AGMO: variants seen among roughly 807,000 people sequenced by gnomAD.
AGMO encodes the protein alkylglycerol monooxygenase, also known as glyceryl-ether monooxygenase.
AGMO carries 75 observed loss-of-function variants against 60.2 expected under a neutral mutation model. The observed-to-expected ratio is 1.25, with a 90% CI of 1.03 to 1.51. The LOEUF is 1.51. AGMO is among the 40% of genes most tolerant of loss of function. The pLI is 0.00. For synonymous variants in AGMO, 261 were observed against 177.1 expected (o/e 1.47, Z -3.76); for missense variants, 763 against 525.5 (o/e 1.45, Z -4.42).
intron 12 of AGMO, among the ~76,000 whole-genome samples, chr7:15,235,740 C>T (rs751596112): frequency 5.3e-5 from 8 of 152,158 alleles, no homozygotes; most frequent in Admixed American, 2.6e-4. Flanking sequence ...AGAAACCACA[C>T]TGGTGACTTT....
chr7:15,222,105 A>G (rs1185387833), intron 12 of AGMO, among the ~76,000 whole-genome samples: 2 of 152,136 alleles, frequency 1.3e-5, no homozygotes, highest in Non-Finnish European at 2.9e-5. Flanking sequence ...ATAAAGCAAG[A>G]TGTAAGCTTC....
intron 12 of AGMO, among the ~76,000 whole-genome samples, chr7:15,354,274 G>A (rs531675349): frequency 2.1e-5 from 3 of 140,708 alleles, no homozygotes; most frequent in East Asian, 2.1e-4. Flanking sequence ...CATGATAGAT[G>A]TATATCACGA....
intron 10 of AGMO, among the ~76,000 whole-genome samples, chr7:15,379,340 A>C (rs1003690556): frequency 6.6e-5 from 10 of 152,096 alleles, no homozygotes; most frequent in Non-Finnish European, 7.4e-5. Context: ...TGTTTTGGGG[A>C]AAACATTAAT....
At chr7:15,166,233 T>G in the AGMO span, among the ~76,000 whole-genome samples, 1 of 152,050 alleles carries the variant, frequency 6.6e-6, no homozygotes, top group African/African-American at 2.4e-5. Flanking sequence ...GCTGCTCTAT[T>G]AAGGGGAATC....
chr7:15,437,978 C>G (rs1214718336), intron 3 of AGMO, among the ~76,000 whole-genome samples: 1 of 152,100 alleles, frequency 6.6e-6, no homozygotes, highest in African/African-American at 2.4e-5. Context: ...CACACTTTAA[C>G]ATATTTTTTC....
At chr7:15,197,803 C>G (rs1263286610), downstream of AGMO, among the ~76,000 whole-genome samples, 1 of 152,172 alleles carries the variant, frequency 6.6e-6, no homozygotes, top group Non-Finnish European at 1.5e-5. Context: ...ATACTCTGAA[C>G]TTAAACTCCT....
chr7:15,368,572 G>A (rs773640650), intron 10 of AGMO, among the ~76,000 whole-genome samples: 11 of 152,062 alleles, frequency 7.2e-5, no homozygotes, highest in African/African-American at 2.4e-4. Context: ...AATAAAATAC[G>A]CGTTTGGCAA....
At chr7:15,391,038 C>G (rs1784117623) in intron 6 of AGMO, 133 bp from the exon 7 acceptor site, 1 of 575,666 alleles carries the variant, frequency 1.7e-6, no homozygotes, top group Non-Finnish European at 3.0e-6. Flanking sequence ...GGAATGTCTT[C>G]TCATTTATAA....
intron 12 of AGMO, among the ~76,000 whole-genome samples, chr7:15,262,267 C>A (rs1327808764): frequency 6.6e-6 from 1 of 151,946 alleles, no homozygotes; most frequent in Non-Finnish European, 1.5e-5. Context: ...GAACTGGTAA[C>A]TGAATTCAGC....
rs527463907 is a variant in AGMO at position 15,270,596 on chromosome 7, A to ATTTTTT, written c.1264-69243_1264-69238dup. Reference sequence around the variant, plus strand: ...ATTAAACAAATTTAATCTGTTGATAATTTTTTTTTTTTTTTTTTTTTTTTT... The same window carrying ATTTTTT: ...ATTAAACAAATTTAATCTGTTGATAATTTTTTTTTTTTTTTTTTTTTTTTTTTTTTT... On this transcript the variant is annotated intron_variant, in intron 12 of 12. Transcript: ENST00000342526. Among the ~76,000 whole-genome samples, 76 of 48,034 alleles carry ATTTTTT rather than the reference A, an allele frequency of 1.6e-3. 4 individuals are homozygous for ATTTTTT. The highest frequency in any genetic ancestry group is 2.3e-3 in the Non-Finnish European group (60 of 25,758). The allele number at this position is 48,034 out of a possible 152,430, so 31.5% of individuals were successfully genotyped here. A position where few individuals can be genotyped will look rare whatever the true frequency, so the allele number is the denominator to read the frequency against.
At chr7:15,119,587 T>C in the AGMO span, among the ~76,000 whole-genome samples, 1 of 151,304 alleles carries the variant, frequency 6.6e-6, no homozygotes. Context: ...TTTGGCCAAG[T>C]ATATCCAATG....
At chr7:15,499,631 C>T (rs1456595150) in intron 3 of AGMO, among the ~76,000 whole-genome samples, 1 of 151,586 alleles carries the variant, frequency 6.6e-6, no homozygotes, top group Non-Finnish European at 1.5e-5. Context: ...TTGCGGCATC[C>T]TTTCTAAAAT....
chr7:15,527,073 A>T (rs1379986072), intron 3 of AGMO, among the ~76,000 whole-genome samples: 3 of 152,180 alleles, frequency 2.0e-5, no homozygotes, highest in Admixed American at 1.3e-4. Context: ...AAATTAAGCC[A>T]ATTAATAACC....
chr7:15,387,651 G>A (rs960365003), intron 8 of AGMO, 111 bp from the exon 9 acceptor site: 38 of 561,738 alleles, frequency 6.8e-5, no homozygotes, highest in Non-Finnish European at 9.5e-5. Context: ...TATTTAAAAC[G>A]TTATGCCTGA....
chr7:15,418,355 A>C (rs1171408371), intron 5 of AGMO, among the ~76,000 whole-genome samples: 3 of 152,044 alleles, frequency 2.0e-5, no homozygotes, highest in Non-Finnish European at 4.4e-5. Flanking sequence ...TGTTTTATTT[A>C]ATTGAGACCA....
intron 3 of AGMO, among the ~76,000 whole-genome samples, chr7:15,463,477 A>G (rs1353229499): frequency 6.6e-6 from 1 of 152,228 alleles, no homozygotes; most frequent in African/African-American, 2.4e-5. Flanking sequence ...ACGTACACAC[A>G]TACAGAAATA....
At chr7:15,354,309 T>TACACGTGTATATAC (rs1554422459) in intron 12 of AGMO, among the ~76,000 whole-genome samples, 1 of 67,298 alleles carries the variant, frequency 1.5e-5, no homozygotes, top group African/African-American at 1.0e-4. Context: ...TATACGTGTA[T>TACACGTGTATATAC]ACACGCGTGT....
chr7:15,508,101 G>A (rs1026075463), intron 3 of AGMO, among the ~76,000 whole-genome samples: 3 of 152,030 alleles, frequency 2.0e-5, no homozygotes, highest in African/African-American at 7.2e-5. Flanking sequence ...GGGAGTTTCC[G>A]GAGAGGAAAA....
At position 15,279,653 on chromosome 7, in the gene AGMO, A is replaced by G. The variant is rs570200785; in HGVS notation, c.1264-78294T>C. Reference sequence around the variant, plus strand: ...GCAACAATGCAGGAACTTAACAGGAACACTGAAAGAAACCACAGACCCTTT... The same window carrying G: ...GCAACAATGCAGGAACTTAACAGGAGCACTGAAAGAAACCACAGACCCTTT... On this transcript the variant is annotated intron_variant, in intron 12 of 12. Transcript: ENST00000342526. 5.3e-5 allele frequency among the ~76,000 whole-genome samples: 8 copies of G among 152,250 alleles called. 1 individual carries two copies. In the South Asian group the frequency reaches 1.5e-3, roughly 28 times the overall value.
Sources: allele counts gnomAD v4.1 joint callset (sites outside exome capture counted in the v4.1 genomes callset), GRCh38; gene constraint gnomAD v4.1.1; transcripts MANE v1.5; gene names NCBI Gene and HGNC (gene_info 2026-07-23, HGNC 2026-07-21).